PSKH1: variants seen among roughly 807,000 people sequenced by gnomAD.
The protein encoded by PSKH1 is protein serine kinase H1, also known as serine/threonine-protein kinase H1.
A neutral mutation model predicts 26.7 loss-of-function variants in PSKH1; 12 were observed. The ratio of observed to expected loss-of-function variants is 0.45; its 90% CI spans 0.29 to 0.73. The LOEUF is 0.73. PSKH1 is among the 30% of genes least tolerant of loss of function. The pLI, the probability that PSKH1 is intolerant of heterozygous loss-of-function variation, is 0.11. For missense variants in PSKH1, 431 were observed against 595.2 expected (o/e 0.72, Z 2.87); for synonymous variants, 213 against 234.3 (o/e 0.91, Z 0.83).
In PSKH1 at chr16:67,909,346, G is replaced by A. The variant is rs374202741; in HGVS notation, c.597G>A (p.Leu199=). The A allele has an allele frequency of 1.2e-6, 2 of 1,614,118 alleles. No individual in the cohort carries two copies. Among genetic ancestry groups the A allele is most frequent in the Admixed American group, 1.7e-5 (1 of 60,018 alleles). Residue 199 remains leucine (L), a synonymous_variant, in exon 2 of 3, where the codon CTG becomes CTA. Transcript: ENST00000291041. This position sits in a 1 kb window ranked among gnomAD's most constrained non-coding sequence, Gnocchi z 7.8. ...CCGAGCGTGACGCCACGCGGGTGCT[G>A]CAGATGGTGCTGGATGGCGTCCGGT... ...SFTERDATRV[L]QMVLDGVRYL... is the part of the protein sequence containing the mutation.
At chr16:67,906,234 G>A (rs2058155663) in intron 1 of PSKH1, among the ~76,000 whole-genome samples, 1 of 152,056 alleles carries the variant, frequency 6.6e-6, no homozygotes, top group African/African-American at 2.4e-5. Context: ...CACCAAGCCC[G>A]GCTAATTTTG....
At position 67,893,779 on chromosome 16, in the gene PSKH1, C is replaced by T. The variant is rs959547589; in HGVS notation, c.-71+408C>T. ...CTCCTTTGCGTCTGCCAGGGGCCGG[C>T]GGGGCAGCTGATCGCTTCCTTGTGC... On this transcript the variant is annotated intron_variant, in intron 1 of 2. Coordinates refer to ENST00000291041, the MANE Select transcript of PSKH1 (RefSeq NM_006742.3). Among the ~76,000 whole-genome samples, 5 of 152,330 alleles carry T rather than the reference C, an allele frequency of 3.3e-5. No homozygotes were observed. The East Asian group carries it at 9.7e-4, about 29-fold the overall frequency.
At chr16:67,922,526 T>C (rs200469688) in intron 2 of PSKH1, among the ~76,000 whole-genome samples, 3 of 152,288 alleles carry the variant, frequency 2.0e-5, no homozygotes, top group East Asian at 3.9e-4. Context: ...AGAATCATCA[T>C]TGGTTAGATA....
intron 1 of PSKH1, among the ~76,000 whole-genome samples, chr16:67,896,116 CTT>C (rs370574659): frequency 6.8e-6 from 1 of 146,538 alleles, no homozygotes; most frequent in African/African-American, 2.5e-5. Flanking sequence ...TTTTTCTTTT[CTT>C]TTTTTTTTTG....
Position 67,927,610 on chromosome 16 carries a change from A to C in PSKH1, c.1243A>C (p.Asn415His), listed in dbSNP as rs2058221259. The C allele has an allele frequency of 6.2e-7, 1 of 1,609,722 alleles. No individual in the cohort carries two copies. ...RVRERELREL[N>H]LRYQQQYNG is the part of the protein sequence containing the mutation. The stretch of plus-strand genomic sequence containing the variant: ...GCGGGAACGGGAGCTGCGGGAGCTC[A>C]ACCTGCGCTACCAGCAGCAATACAA... Residue 415 changes from asparagine (N) to histidine (H), a missense_variant, in exon 3 of 3, where the codon AAC (asparagine) becomes CAC (histidine). Transcript: ENST00000291041. The surrounding 1 kb of genome is among the most constrained non-coding windows in gnomAD (Gnocchi z 5.5).
Position 67,927,408 on chromosome 16 carries a change from G to A in PSKH1, c.1041G>A (p.Leu347=). Residue 347 remains leucine (L), a synonymous_variant, in exon 3 of 3, where the codon CTG becomes CTA. Coordinates refer to ENST00000291041, the MANE Select transcript of PSKH1 (RefSeq NM_006742.3). The surrounding 1 kb of genome is among the most constrained non-coding windows in gnomAD (Gnocchi z 5.5). ...TVDPGARMTA[L]QALRHPWVVS... The stretch of plus-strand genomic sequence containing the variant: ...ACCCTGGAGCCCGTATGACTGCACT[G>A]CAGGCCCTGAGGCACCCGTGGGTGG... 1 of 1,614,180 alleles carries A rather than the reference G, an allele frequency of 6.2e-7. No individual in the cohort carries two copies. Among genetic ancestry groups the A allele is most frequent in the Non-Finnish European group, 8.5e-7 (1 of 1,180,032 alleles).
At chr16:67,919,545 G>C (rs1397581326) in intron 2 of PSKH1, among the ~76,000 whole-genome samples, 1 of 152,226 alleles carries the variant, frequency 6.6e-6, no homozygotes, top group Non-Finnish European at 1.5e-5. Context: ...AGGTTCCCTT[G>C]GGAAAAGCCA....
At chr16:67,912,761 G>A (rs1018099642) in intron 2 of PSKH1, among the ~76,000 whole-genome samples, 22 of 151,930 alleles carry the variant, frequency 1.4e-4, no homozygotes, top group Non-Finnish European at 1.5e-5. Flanking sequence ...CCAGCTACTC[G>A]GGAGGCTGAG....
chr16:67,924,336 C>T (rs79576279), intron 2 of PSKH1, among the ~76,000 whole-genome samples: 4,528 of 152,288 alleles, frequency 0.03, 97 homozygotes, highest in Middle Eastern at 0.17. Flanking sequence ...TGGGGAGCAG[C>T]GGGGAGAGGG....
chr16:67,909,840 A>G lies in PSKH1; in HGVS notation c.957+134A>G. On this transcript the variant is annotated intron_variant, in intron 2 of 2. Coordinates refer to ENST00000291041, the MANE Select transcript of PSKH1 (RefSeq NM_006742.3). The surrounding 1 kb of genome is among the most constrained non-coding windows in gnomAD (Gnocchi z 7.8). ...CCAGGCAGGTCATATAAAAGGGACA[A>G]AGTGAGACTATCAGAATGTAGTTTG... is the stretch of plus-strand genomic sequence containing the variant. 8.9e-6 allele frequency: 7 copies of G among 785,600 alleles called. No homozygotes were observed. Among genetic ancestry groups the G allele is most frequent in the East Asian group, 8.1e-5 (3 of 37,102 alleles). The allele number at this position is 785,600 out of a possible 1,614,324, so 48.7% of individuals were successfully genotyped here.
At chr16:67,896,097 T>A (rs1409691571) in intron 1 of PSKH1, among the ~76,000 whole-genome samples, 1 of 151,724 alleles carries the variant, frequency 6.6e-6, no homozygotes, top group Non-Finnish European at 1.5e-5. Context: ...AAAGAAGGTC[T>A]TGTCTTCTTT....
chr16:67,914,420 T>A (rs2058181228), intron 2 of PSKH1, among the ~76,000 whole-genome samples: 1 of 151,736 alleles, frequency 6.6e-6, no homozygotes, highest in African/African-American at 2.4e-5. Flanking sequence ...CCCAAAGTGG[T>A]GGGATTACAG....
intron 2 of PSKH1, among the ~76,000 whole-genome samples, chr16:67,916,664 G>A (rs956665439): frequency 6.6e-6 from 1 of 152,152 alleles, no homozygotes; most frequent in Non-Finnish European, 1.5e-5. Flanking sequence ...GAGCCTGGCA[G>A]GAGGAAGGCT....
At chr16:67,917,167 C>A (rs2058190195) in intron 2 of PSKH1, among the ~76,000 whole-genome samples, 1 of 152,220 alleles carries the variant, frequency 6.6e-6, no homozygotes, top group African/African-American at 2.4e-5. Flanking sequence ...ACAACCCTGC[C>A]AGGTGGTACG....
chr16:67,929,563 T>A lies in PSKH1; in HGVS notation c.*1921T>A, dbSNP rs1567403613. 2 of 207,510 alleles carry A rather than the reference T, an allele frequency of 9.6e-6. No homozygotes were observed. The highest frequency in any genetic ancestry group is 2.0e-5 in the Non-Finnish European group (2 of 99,942). The allele number at this position is 207,510 out of a possible 1,614,324, so 12.9% of individuals were successfully genotyped here. A position where few individuals can be genotyped will look rare whatever the true frequency, so the allele number is the denominator to read the frequency against. On this transcript the variant is annotated 3_prime_UTR_variant, in exon 3 of 3. Transcript: ENST00000291041. Reference sequence around the variant, plus strand: ...TAGACCCACTTGGGCCTTCATGCCATGGCCTGTGGATGGAGAATGTGCAGT... The same window carrying A: ...TAGACCCACTTGGGCCTTCATGCCAAGGCCTGTGGATGGAGAATGTGCAGT...
At chr16:67,907,303 C>T (rs927316541) in intron 1 of PSKH1, among the ~76,000 whole-genome samples, 1 of 151,188 alleles carries the variant, frequency 6.6e-6, no homozygotes, top group African/African-American at 2.4e-5. Context: ...CTCTTTTGTC[C>T]AGGCTGGAGT....
At chr16:67,912,020 C>T (rs1425189194) in intron 2 of PSKH1, among the ~76,000 whole-genome samples, 1 of 152,126 alleles carries the variant, frequency 6.6e-6, no homozygotes, top group Non-Finnish European at 1.5e-5. Context: ...ATCTGTGGGC[C>T]TAGGGGTGAA....
intron 2 of PSKH1, among the ~76,000 whole-genome samples, chr16:67,911,457 T>A (rs1032787607): frequency 6.6e-6 from 1 of 151,644 alleles, no homozygotes; most frequent in Non-Finnish European, 1.5e-5. Context: ...CCGAGACAGG[T>A]GGATTACTGG....
intron 1 of PSKH1, among the ~76,000 whole-genome samples, chr16:67,894,278 G>A (rs536154934): frequency 6.6e-6 from 1 of 152,208 alleles, no homozygotes; most frequent in South Asian, 2.1e-4. Context: ...TCAACCTCCC[G>A]AGTAGCTGAG....
Sources: allele counts gnomAD v4.1 joint callset (sites outside exome capture counted in the v4.1 genomes callset), GRCh38; gene constraint gnomAD v4.1.1; non-coding constraint Gnocchi (gnomAD v3.1); transcripts MANE v1.5; gene names NCBI Gene and HGNC (gene_info 2026-07-23, HGNC 2026-07-21).